Variants in RAB3GAP1 observed in about 807,000 individuals in gnomAD.
The protein encoded by RAB3GAP1 is RAB3 GTPase activating protein catalytic subunit 1.
RAB3GAP1 carries 86 observed loss-of-function variants against 130.7 expected under a neutral mutation model. The observed-to-expected ratio is 0.66, with a 90% confidence interval of 0.55 to 0.79. The LOEUF (loss-of-function observed/expected upper bound fraction) is 0.79. Among genes scored for constraint, RAB3GAP1 ranks in the 30% least tolerant of loss-of-function variants. RAB3GAP1 has a pLI of 0.00. For synonymous variants in RAB3GAP1, 367 were observed against 401.7 expected, an observed-to-expected ratio of 0.91 and a Z score of 1.03; for missense variants, 1,029 against 1,169.4, an observed-to-expected ratio of 0.88 and a Z score of 1.75.
intron 17 of RAB3GAP1, among the ~76,000 whole-genome samples, chr2:135,143,158 T>C (rs35482737): frequency 6.6e-6 from 1 of 152,020 alleles, no homozygotes; most frequent in Non-Finnish European, 1.5e-5. Flanking sequence ...TTATTTCTTG[T>C]ATCAACTTTG....
intron 19 of RAB3GAP1, among the ~76,000 whole-genome samples, chr2:135,157,467 T>C (rs1179429229): frequency 6.6e-6 from 1 of 152,158 alleles, no homozygotes; most frequent in Non-Finnish European, 1.5e-5. Context: ...GAAAATCTAA[T>C]CCAAGTGATT....
intron 14 of RAB3GAP1, 128 bp downstream of exon 14, chr2:135,133,112 C>T: frequency 1.5e-6 from 1 of 671,120 alleles, no homozygotes; most frequent in Non-Finnish European, 2.6e-6. Context: ...TTTTGGATGG[C>T]AGATCGTGGT....
intron 9 of RAB3GAP1, 109 bp from the exon 10 acceptor site, chr2:135,126,072 A>T (rs1691338535): frequency 1.2e-6 from 1 of 811,830 alleles, no homozygotes; most frequent in African/African-American, 1.7e-5. Flanking sequence ...TGTATTATAA[A>T]TAATGCCACT....
intron 19 of RAB3GAP1, 176 bp from the exon 20 acceptor site, chr2:135,162,379 G>T: frequency 3.1e-6 from 2 of 648,566 alleles, no homozygotes; most frequent in Admixed American, 2.3e-5. Context: ...ATTAAAGATT[G>T]AAGTTCTTAG....
intron 3 of RAB3GAP1, among the ~76,000 whole-genome samples, chr2:135,074,399 T>C (rs1045006522): frequency 6.6e-6 from 1 of 152,218 alleles, no homozygotes; most frequent in African/African-American, 2.4e-5. Context: ...CTTCAGGCTA[T>C]ACCAGGGAGT....
chr2:135,060,678 C>T (rs1160369324), intron 3 of RAB3GAP1, among the ~76,000 whole-genome samples: 1 of 151,718 alleles, frequency 6.6e-6, no homozygotes, highest in South Asian at 2.1e-4. Flanking sequence ...TTCCCATGCC[C>T]TCCAGTCATC....
chr2:135,078,890 C>T (rs779162461), intron 3 of RAB3GAP1, among the ~76,000 whole-genome samples: 6 of 151,820 alleles, frequency 4.0e-5, no homozygotes, highest in Non-Finnish European at 8.8e-5. Context: ...TTTTTTGAGA[C>T]GGAGTCTCGC....
rs200860381 is a variant in RAB3GAP1, at chr2:135,112,834, TCACACA to T, written c.363-288_363-283del. On this transcript the variant is annotated intron_variant, in intron 5 of 23. Coordinates refer to ENST00000264158, the MANE Select transcript of RAB3GAP1 (RefSeq NM_012233.3). ...GTCAAAGTCTCTCTCTCTCTCTCTC[TCACACA>T]CACACACACACACACACACACACAC... is the stretch of plus-strand genomic sequence containing the variant. 9.1e-3 allele frequency among the ~76,000 whole-genome samples: 1,199 copies of T among 132,442 alleles called. 18 individuals are homozygous for T. Among genetic ancestry groups the T allele is most frequent in the African/African-American group, 0.036 (1,100 of 30,714 alleles). 86.9% of individuals were successfully genotyped at this position (132,442 alleles called of 152,430 possible).
chr2:135,106,635 T>A (rs1378242395), intron 5 of RAB3GAP1, among the ~76,000 whole-genome samples: 2 of 152,018 alleles, frequency 1.3e-5, no homozygotes, highest in Non-Finnish European at 2.9e-5. Context: ...CAGGGTCCTC[T>A]GCCTAGGAAA....
chr2:135,175,947 T>C (rs1211010781), intron 24 of RAB3GAP1, among the ~76,000 whole-genome samples: 1 of 152,190 alleles, frequency 6.6e-6, no homozygotes, highest in Non-Finnish European at 1.5e-5. Context: ...ATATTGCCAT[T>C]GTTATATTAT....
chr2:135,057,463 G>A (rs1484178502), intron 2 of RAB3GAP1, among the ~76,000 whole-genome samples: 2 of 152,218 alleles, frequency 1.3e-5, no homozygotes, highest in Admixed American at 6.5e-5. Flanking sequence ...GTGCAGTGGC[G>A]CGATGTCCGC....
rs566754395 is a variant in RAB3GAP1, at chr2:135,117,050, A to T, written c.648+1669A>T. Among the ~76,000 whole-genome samples, 25 of 152,278 alleles carry T rather than the reference A, an allele frequency of 1.6e-4. No individual in the cohort carries two copies. In the East Asian group the frequency reaches 2.5e-3, roughly 15 times the overall value. The stretch of plus-strand genomic sequence containing the variant: ...ATAAATCCCTTTGATATTAAAAAAA[A>T]AATAATGCATTTACGAGATTAGGAA... On this transcript the variant is annotated intron_variant, in intron 7 of 23. Coordinates refer to ENST00000264158, the MANE Select transcript of RAB3GAP1 (RefSeq NM_012233.3).
chr2:135,171,952 T>A (rs1235984894), downstream of RAB3GAP1, among the ~76,000 whole-genome samples: 1 of 151,716 alleles, frequency 6.6e-6, no homozygotes, highest in Non-Finnish European at 1.5e-5. Flanking sequence ...ACCCGGCACG[T>A]GGGAAGCACA....
chr2:135,172,516 C>T (rs567669353), downstream of RAB3GAP1, among the ~76,000 whole-genome samples: 7 of 151,524 alleles, frequency 4.6e-5, no homozygotes, highest in South Asian at 2.1e-4. Flanking sequence ...ACTAGTGAGA[C>T]GAGGGGAGGT....
At position 135,113,256 on chromosome 2, in the gene RAB3GAP1, G is replaced by A; in HGVS notation, c.468G>A (p.Leu156=). 1 of 1,614,082 alleles carries A rather than the reference G, an allele frequency of 6.2e-7. No individual in the cohort carries two copies. Among genetic ancestry groups the A allele is most frequent in the African/African-American group, 1.3e-5 (1 of 75,022 alleles). Residue 156 remains leucine, a synonymous_variant, in exon 6 of 24, where the codon TTG becomes TTA. Coordinates refer to ENST00000264158, the MANE Select transcript of RAB3GAP1 (RefSeq NM_012233.3). The part of the protein sequence containing the change: ...NLLLSSVSIA[L]GNTGCQVPLF... ...TTCTGAGTTCTGTTTCTATTGCCTTGGGAAACACTGGCTGGTGAGTGGACA... is the reference window on the plus strand; with the variant it reads ...TTCTGAGTTCTGTTTCTATTGCCTTAGGAAACACTGGCTGGTGAGTGGACA...
intron 7 of RAB3GAP1, among the ~76,000 whole-genome samples, chr2:135,118,641 C>A (rs1315844697): frequency 6.6e-6 from 1 of 151,984 alleles, no homozygotes; most frequent in Non-Finnish European, 1.5e-5. Flanking sequence ...ATGTTCACTC[C>A]CATCCATCCT....
chr2:135,162,229 G>A lies in RAB3GAP1; in HGVS notation c.2290-326G>A, dbSNP rs1052636095. 7.9e-5 allele frequency among the ~76,000 whole-genome samples: 12 copies of A among 152,040 alleles called. 1 individual carries two copies. The highest frequency in any genetic ancestry group is 2.6e-4 in the Admixed American group (4 of 15,252). ...AGTGCCCTTAGTACGTGTATTCTGC[G>A]TCTTAAAATGAAAATGCTCCACTGT... On this transcript the variant is annotated intron_variant, in intron 19 of 23. Coordinates refer to ENST00000264158, the MANE Select transcript of RAB3GAP1 (RefSeq NM_012233.3).
intron 22 of RAB3GAP1, 48 bp from the exon 23 acceptor site, chr2:135,164,546 C>T: frequency 2.7e-6 from 4 of 1,457,628 alleles, no homozygotes; most frequent in Non-Finnish European, 2.9e-6. Context: ...GCCCAGTGGC[C>T]TGGACAGCTC....
chr2:135,088,688 CAAAA>C (rs1162700077), intron 3 of RAB3GAP1, among the ~76,000 whole-genome samples: 11 of 55,708 alleles, frequency 2.0e-4, no homozygotes, highest in African/African-American at 2.6e-4. Flanking sequence ...GACTCCATCT[CAAAA>C]AAAAAAAAAA....
Sources: gnomAD v4.1 joint callset for allele counts (sites outside exome capture counted in the v4.1 genomes callset) on GRCh38, gnomAD v4.1.1 for gene constraint, MANE v1.5 for transcripts, NCBI Gene and HGNC (gene_info 2026-07-23, HGNC 2026-07-21) for gene names.